The following HNF4A variants were observed in gnomAD, a reference collection of about 807,000 sequenced individuals.
The protein encoded by HNF4A is hepatocyte nuclear factor 4-alpha.
Under a neutral mutation model 52.4 loss-of-function variants are expected in HNF4A, and 15 were observed. That is an observed-to-expected ratio of 0.29 (90% CI 0.19 to 0.44). HNF4A has a LOEUF of 0.44. HNF4A is among the 20% of genes least tolerant of loss of function. The pLI is 1.00. For missense variants in HNF4A, 479 were observed against 647.2 expected (o/e 0.74, Z 2.82); for synonymous variants, 280 against 264.4 (o/e 1.06, Z -0.57).
intron 1 of HNF4A, among the ~76,000 whole-genome samples, chr20:44,368,160 A>ATATATATATGTTT (rs1200638153): frequency 3.6e-5 from 1 of 27,774 alleles, no homozygotes; most frequent in Non-Finnish European, 6.0e-5. Context: ...ATATATATAT[A>ATATATATATGTTT]TTTTTTTTTT....
intron 1 of HNF4A, among the ~76,000 whole-genome samples, chr20:44,365,899 C>A (rs199840050): frequency 6.6e-6 from 1 of 151,790 alleles, no homozygotes; most frequent in Non-Finnish European, 1.5e-5. Context: ...CCCACCTACT[C>A]GGGAGGCTGA....
At chr20:44,387,057 C>G (rs1278297735) in intron 1 of HNF4A, among the ~76,000 whole-genome samples, 1 of 151,912 alleles carries the variant, frequency 6.6e-6, no homozygotes, top group East Asian at 1.9e-4. Flanking sequence ...AATCCCAGCA[C>G]TCTGGGAGGC....
At chr20:44,387,403 T>C (rs933248841) in intron 1 of HNF4A, among the ~76,000 whole-genome samples, 1 of 146,034 alleles carries the variant, frequency 6.8e-6, no homozygotes. Flanking sequence ...CTGCTGCTGA[T>C]AGGGGTGGGG....
At chr20:44,426,226 G>A (rs62206858) in intron 8 of HNF4A, among the ~76,000 whole-genome samples, 7 of 152,202 alleles carry the variant, frequency 4.6e-5, no homozygotes, top group South Asian at 4.1e-4. Flanking sequence ...AGAAAGAAGC[G>A]GGGAAGAAAG....
intron 5 of HNF4A, among the ~76,000 whole-genome samples, chr20:44,417,902 G>A (rs2146434886): frequency 6.6e-6 from 1 of 151,114 alleles, no homozygotes; most frequent in East Asian, 2.0e-4. Flanking sequence ...CTGGGAGGCG[G>A]AAGCTGCAGT....
intron 1 of HNF4A, among the ~76,000 whole-genome samples, chr20:44,363,621 G>A (rs925812164): frequency 1.3e-5 from 2 of 151,904 alleles, no homozygotes; most frequent in Non-Finnish European, 2.9e-5. Flanking sequence ...CCTCATCAGA[G>A]ACCTGGGAGA....
Position 44,390,810 on chromosome 20 carries a change from C to T in HNF4A, c.50-15248C>T, listed in dbSNP as rs894429129. 4.7e-5 allele frequency: 29 copies of T among 619,080 alleles called. 1 individual carries two copies. The highest frequency in any genetic ancestry group is 6.6e-5 in the Non-Finnish European group (23 of 346,098). 38.3% of individuals were successfully genotyped at this position (619,080 alleles called of 1,614,324 possible). On this transcript the variant is annotated intron_variant, in intron 1 of 9. Transcript: ENST00000316673. The stretch of plus-strand genomic sequence containing the variant: ...GTACCCTCATCCCCTAACCCAGGAA[C>T]GTCCATGGCCCTGATGGGTGAATGA...
chr20:44,415,993 C>T lies in HNF4A; in HGVS notation c.648+1331C>T, dbSNP rs866195570. 2.6e-5 allele frequency among the ~76,000 whole-genome samples: 4 copies of T among 152,232 alleles called. 1 individual carries two copies. The highest frequency in any genetic ancestry group is 6.8e-3 in the Middle Eastern group (2 of 294). ...GTTCCTTCCCAGGGGCTTAGCAGGG[C>T]AACAAGATACCCCCAACCTGAGCAA... On this transcript the variant is annotated intron_variant, in intron 5 of 9. Coordinates refer to ENST00000316099, the MANE Select transcript of HNF4A (RefSeq NM_000457.6).
At chr20:44,406,473 A>G (rs1568723065) in intron 2 of HNF4A, among the ~76,000 whole-genome samples, 1 of 152,224 alleles carries the variant, frequency 6.6e-6, no homozygotes, top group Non-Finnish European at 1.5e-5. Context: ...GCCAGGCACA[A>G]TACTAAGTCT....
At chr20:44,366,191 A>G (rs183438174) in intron 1 of HNF4A, among the ~76,000 whole-genome samples, 1 of 152,352 alleles carries the variant, frequency 6.6e-6, no homozygotes, top group Non-Finnish European at 1.5e-5. Flanking sequence ...TCATGTAGTA[A>G]GAGTAAGATA....
chr20:44,385,869 GT>G (rs771753314), intron 1 of HNF4A, among the ~76,000 whole-genome samples: 3 of 150,914 alleles, frequency 2.0e-5, no homozygotes, highest in Non-Finnish European at 4.4e-5. Flanking sequence ...TTTTTTTGTT[GT>G]TTTTTTTAAG....
intron 5 of HNF4A, 101 bp from the exon 6 acceptor site, chr20:44,418,324 C>A: frequency 1.1e-6 from 1 of 875,226 alleles, no homozygotes; most frequent in Non-Finnish European, 2.0e-6. Flanking sequence ...CAGGTAGAGG[C>A]AGAGGGGAGC....
chr20:44,427,176 G>A (rs1182965644), intron 8 of HNF4A, among the ~76,000 whole-genome samples: 2 of 152,212 alleles, frequency 1.3e-5, no homozygotes, highest in African/African-American at 4.8e-5. Flanking sequence ...AATGTCTCCT[G>A]ATGGGCCAAA....
chr20:44,389,150 T>C (rs955185577), intron 1 of HNF4A, among the ~76,000 whole-genome samples: 37 of 152,370 alleles, frequency 2.4e-4, no homozygotes, highest in African/African-American at 8.2e-4. Flanking sequence ...GGAGCTAAAA[T>C]GACCTGTGCA....
intron 7 of HNF4A, among the ~76,000 whole-genome samples, 169 bp downstream of exon 7, chr20:44,420,045 A>T (rs3212201): frequency 6.6e-6 from 1 of 152,056 alleles, no homozygotes; most frequent in Non-Finnish European, 1.5e-5. Context: ...TTGAAGAGAC[A>T]ATATGGCCGG....
intron 1 of HNF4A, chr20:44,395,595 CT>C (rs1193825572): frequency 6.6e-6 from 1 of 152,272 alleles, no homozygotes; most frequent in African/African-American, 2.4e-5. Flanking sequence ...CCCAGACCCC[CT>C]GTCCCTGGAC....
intron 1 of HNF4A, among the ~76,000 whole-genome samples, chr20:44,392,529 A>G (rs2063313410): frequency 6.6e-6 from 1 of 152,162 alleles, no homozygotes; most frequent in African/African-American, 2.4e-5. Flanking sequence ...TAAAAAATAG[A>G]CATAGGGTCT....
chr20:44,423,713 G>A (rs541890640), intron 7 of HNF4A, among the ~76,000 whole-genome samples: 1 of 152,196 alleles, frequency 6.6e-6, no homozygotes, highest in African/African-American at 2.4e-5. Context: ...GGGTTTCCCC[G>A]TGTGTAAGAT....
intron 1 of HNF4A, among the ~76,000 whole-genome samples, chr20:44,393,700 T>C (rs189104287): frequency 6.6e-6 from 1 of 152,230 alleles, no homozygotes; most frequent in East Asian, 1.9e-4. Context: ...GCATATCCAG[T>C]GGCCATGATG....
Sources: allele counts gnomAD v4.1 joint callset (sites outside exome capture counted in the v4.1 genomes callset), GRCh38; gene constraint gnomAD v4.1.1; transcripts MANE v1.5; gene names NCBI Gene and HGNC (gene_info 2026-07-23, HGNC 2026-07-21).